DLG2: variants seen among roughly 807,000 people sequenced by gnomAD.
DLG2 encodes disks large homolog 2.
In DLG2, 45 loss-of-function variants were observed where a neutral mutation model predicts 132.5. The observed-to-expected ratio is 0.34, with a 90% CI of 0.27 to 0.44. The LOEUF (loss-of-function observed/expected upper bound fraction) is 0.44. Ranked by LOEUF, DLG2 falls within the 20% of genes least tolerant of loss-of-function variation. The pLI is 1.00. For synonymous variants in DLG2, 424 were observed against 419.6 expected (o/e 1.01, Z -0.13); for missense variants, 1,045 against 1,196.9 (o/e 0.87, Z 1.87).
intron 3 of DLG2, among the ~76,000 whole-genome samples, chr11:85,363,480 T>A (rs2084311300): frequency 6.6e-6 from 1 of 152,244 alleles, no homozygotes; most frequent in African/African-American, 2.4e-5. Context: ...TGGTTAACTA[T>A]GTTGTCTAAT....
intron 6 of DLG2, among the ~76,000 whole-genome samples, chr11:85,048,785 G>A (rs554677594): frequency 6.6e-6 from 1 of 151,856 alleles, no homozygotes; most frequent in Non-Finnish European, 1.5e-5. Context: ...GATTTTTATG[G>A]GAGAAAATCA....
At chr11:84,193,596 C>T (rs2096457202) in intron 8 of DLG2, among the ~76,000 whole-genome samples, 1 of 152,108 alleles carries the variant, frequency 6.6e-6, no homozygotes, top group African/African-American at 2.4e-5. Context: ...AATTATTTTC[C>T]ACTTTTGATT....
intron 16 of DLG2, among the ~76,000 whole-genome samples, chr11:83,844,254 C>T (rs1595308900): frequency 6.6e-6 from 1 of 151,840 alleles, no homozygotes; most frequent in African/African-American, 2.4e-5. Flanking sequence ...AAAAAAAGGG[C>T]CTGGGGGCCA....
chr11:84,392,123 C>T (rs973021975), intron 7 of DLG2, among the ~76,000 whole-genome samples: 3 of 152,128 alleles, frequency 2.0e-5, no homozygotes, highest in Admixed American at 6.6e-5. Flanking sequence ...ATGACTTTTT[C>T]CAGGGAAGCT....
At chr11:83,763,455 T>C (rs948425119) in intron 18 of DLG2, among the ~76,000 whole-genome samples, 3 of 152,206 alleles carry the variant, frequency 2.0e-5, no homozygotes, top group African/African-American at 7.2e-5. Flanking sequence ...CTTCTTACTT[T>C]TGCTTGCATT....
intron 19 of DLG2, among the ~76,000 whole-genome samples, chr11:83,570,432 T>A (rs1241706672): frequency 1.3e-5 from 2 of 152,220 alleles, no homozygotes; most frequent in Non-Finnish European, 2.9e-5. Flanking sequence ...TTACTACTAT[T>A]ACTGGTTATG....
intron 7 of DLG2, among the ~76,000 whole-genome samples, chr11:84,265,959 A>G (rs2097624133): frequency 6.6e-6 from 1 of 152,122 alleles, no homozygotes; most frequent in Non-Finnish European, 1.5e-5. Context: ...TTAACTCTGA[A>G]CAGCTGTCTA....
chr11:85,394,395 C>A (rs540982747), intron 3 of DLG2, among the ~76,000 whole-genome samples: 16 of 152,248 alleles, frequency 1.1e-4, no homozygotes, highest in Admixed American at 6.5e-5. Flanking sequence ...ATGGCAATAG[C>A]CACTTTCAGA....
intron 3 of DLG2, among the ~76,000 whole-genome samples, chr11:85,341,288 T>C (rs2082482048): frequency 6.6e-6 from 1 of 152,032 alleles, no homozygotes; most frequent in African/African-American, 2.4e-5. Flanking sequence ...CTGGCTAATT[T>C]TTTTTGTATT....
intron 7 of DLG2, among the ~76,000 whole-genome samples, chr11:84,377,662 C>T (rs942400855): frequency 2.6e-5 from 4 of 152,094 alleles, no homozygotes; most frequent in African/African-American, 9.7e-5. Context: ...TCTGAGGGTA[C>T]ATTACATCGT....
At chr11:84,995,548 C>A (rs2057556458) in intron 6 of DLG2, among the ~76,000 whole-genome samples, 1 of 152,194 alleles carries the variant, frequency 6.6e-6, no homozygotes, top group Admixed American at 6.5e-5. Context: ...GCCACTTCAA[C>A]TCCATCACAA....
At chr11:84,034,164 C>A (rs996422534) in intron 11 of DLG2, among the ~76,000 whole-genome samples, 37 of 152,162 alleles carry the variant, frequency 2.4e-4, no homozygotes, top group African/African-American at 8.4e-4. Context: ...CCACCCTGAT[C>A]AGTCAGCAGC....
At chr11:84,382,398 TCTTTA>T (rs1232202769) in intron 7 of DLG2, among the ~76,000 whole-genome samples, 1 of 152,094 alleles carries the variant, frequency 6.6e-6, no homozygotes, top group Non-Finnish European at 1.5e-5. Flanking sequence ...CAGCATAAAA[TCTTTA>T]CTTATTGCTG....
intron 7 of DLG2, among the ~76,000 whole-genome samples, chr11:84,417,409 T>C (rs1466962219): frequency 2.0e-5 from 3 of 152,142 alleles, no homozygotes; most frequent in Admixed American, 6.5e-5. Flanking sequence ...TACATGCGAA[T>C]TTCCTTCCCT....
At chr11:84,290,389 T>C (rs956874456) in intron 7 of DLG2, among the ~76,000 whole-genome samples, 3 of 152,152 alleles carry the variant, frequency 2.0e-5, no homozygotes, top group Admixed American at 2.0e-4. Flanking sequence ...GAGGTGTGTA[T>C]GACCAAAAGA....
rs1369823337 is a variant in DLG2, at chr11:83,986,625, G to A, written c.920-5983C>T. On this transcript the variant is annotated intron_variant, in intron 11 of 27. Coordinates refer to ENST00000376104, the MANE Select transcript of DLG2 (RefSeq NM_001142699.3). ...GTATTTCTAGTTCTAGATCCCTGAGGAATCGCCACACTGACTTCCACAATG... is the reference window on the plus strand; with the variant it reads ...GTATTTCTAGTTCTAGATCCCTGAGAAATCGCCACACTGACTTCCACAATG... Among the ~76,000 whole-genome samples, 3 of 151,726 alleles carry A rather than the reference G, an allele frequency of 2.0e-5. No individual in the cohort carries two copies. The East Asian group carries it at 5.8e-4, about 29-fold the overall frequency.
At chr11:84,890,042 T>C (rs898181650) in intron 6 of DLG2, among the ~76,000 whole-genome samples, 4 of 152,210 alleles carry the variant, frequency 2.6e-5, no homozygotes, top group African/African-American at 9.6e-5. Flanking sequence ...AGACCTTATA[T>C]AGCTACTTGG....
At chr11:85,431,561 C>T (rs2091184467) in intron 3 of DLG2, among the ~76,000 whole-genome samples, 1 of 152,234 alleles carries the variant, frequency 6.6e-6, no homozygotes, top group South Asian at 2.1e-4. Context: ...CCACTGCTGC[C>T]TGCTGGCTAA....
intron 3 of DLG2, among the ~76,000 whole-genome samples, chr11:85,539,715 C>T (rs1257184024): frequency 6.6e-6 from 1 of 152,082 alleles, no homozygotes; most frequent in East Asian, 1.9e-4. Flanking sequence ...TAAATATATA[C>T]ACTTACTGTG....
Sources: gnomAD v4.1 joint callset for allele counts (sites outside exome capture counted in the v4.1 genomes callset) on GRCh38, gnomAD v4.1.1 for gene constraint, MANE v1.5 for transcripts, NCBI Gene and HGNC (gene_info 2026-07-23, HGNC 2026-07-21) for gene names.